Variants in DERA observed in about 807,000 individuals in gnomAD.
DERA encodes the protein 2-deoxy-D-ribose 5-phosphate aldolase.
Under a neutral mutation model 41.1 loss-of-function variants are expected in DERA, and 15 were observed. The ratio of observed to expected loss-of-function variants is 0.37; its 90% CI spans 0.24 to 0.56. DERA has a LOEUF of 0.56. DERA is among the 20% of genes least tolerant of loss of function. The probability of loss-of-function intolerance (pLI) is 0.81; values close to 1 mark genes in which losing one functional copy is unlikely to be tolerated. For synonymous variants in DERA, 139 were observed against 137.4 expected (o/e 1.01, Z -0.08); for missense variants, 396 against 403.4 (o/e 0.98, Z 0.16).
intron 1 of DERA, among the ~76,000 whole-genome samples, chr12:15,956,377 A>T (rs1044258164): frequency 3.9e-5 from 6 of 152,240 alleles, no homozygotes; most frequent in Admixed American, 2.0e-4. Context: ...AACTTCTGTT[A>T]TATCAGTCAA....
Position 15,967,103 on chromosome 12 carries a change from A to C in DERA, c.508+4156A>C, listed in dbSNP as rs1948628347. On this transcript the variant is annotated intron_variant, in intron 5 of 8. Transcript: ENST00000428559. The surrounding 1 kb of genome is among the most constrained non-coding windows in gnomAD (Gnocchi z 4.9). ...AGTGGCTTATGCCTGTAATCCCAGCACTCTGGGAGGCTGAGGCAGGCAGAT... is the reference window on the plus strand; with the variant it reads ...AGTGGCTTATGCCTGTAATCCCAGCCCTCTGGGAGGCTGAGGCAGGCAGAT... Among the ~76,000 whole-genome samples, 1 of 151,844 alleles carries C rather than the reference A, an allele frequency of 6.6e-6. No homozygotes were observed. Among genetic ancestry groups the C allele is most frequent in the South Asian group, 2.1e-4 (1 of 4,814 alleles).
chr12:15,979,709 C>T (rs1681385324), intron 5 of DERA, among the ~76,000 whole-genome samples: 1 of 152,202 alleles, frequency 6.6e-6, no homozygotes, highest in Non-Finnish European at 1.5e-5. Flanking sequence ...ACATTGGTTG[C>T]ATATTTGTAA....
At position 15,990,659 on chromosome 12, in the gene DERA, G is replaced by A. The variant is rs1948795758; in HGVS notation, c.637+8223G>A. ...GTTATTCTCCTTGATGTGTCTATGTGTTGTCATCATTTAGCTCCCACTTAT... is the reference window on the plus strand; with the variant it reads ...GTTATTCTCCTTGATGTGTCTATGTATTGTCATCATTTAGCTCCCACTTAT... On this transcript the variant is annotated intron_variant, in intron 6 of 8. Transcript: ENST00000428559. The surrounding 1 kb of genome is among the most constrained non-coding windows in gnomAD (Gnocchi z 4.3). Among the ~76,000 whole-genome samples the A allele has an allele frequency of 6.6e-6, 1 of 152,076 alleles. No homozygotes were observed. The highest frequency in any genetic ancestry group is 2.4e-5 in the African/African-American group (1 of 41,414).
In DERA at chr12:15,981,873, T is replaced by TC. The variant is rs397767503; in HGVS notation, c.509-433dup. On this transcript the variant is annotated intron_variant, in intron 5 of 8. Coordinates refer to ENST00000428559, the MANE Select transcript of DERA (RefSeq NM_015954.4). The surrounding 1 kb of genome is among the most constrained non-coding windows in gnomAD (Gnocchi z 6.1). ...ACTCTCAAGAAAGGTGTGCTTTATA[T>TC]CCAACCAAAGAACCTATTACTTGTG... is the stretch of plus-strand genomic sequence containing the variant. Among the ~76,000 whole-genome samples the TC allele has an allele frequency of 9.8e-3, 1 of 102 alleles. No individual in the cohort carries two copies. The highest frequency in any genetic ancestry group is 0.021 in the Non-Finnish European group (1 of 48). 0.1% of individuals were successfully genotyped at this position (102 alleles called of 152,430 possible).
chr12:15,929,587 G>C (rs1466891295), intron 1 of DERA, among the ~76,000 whole-genome samples: 1 of 152,130 alleles, frequency 6.6e-6, no homozygotes, highest in Non-Finnish European at 1.5e-5. Context: ...CTTCTTCTGT[G>C]TGTGTGTCTG....
At chr12:15,960,655 A>C (rs1948580256) in intron 4 of DERA, among the ~76,000 whole-genome samples, 1 of 151,160 alleles carries the variant, frequency 6.6e-6, no homozygotes, top group Non-Finnish European at 1.5e-5. Flanking sequence ...AAAAAAAAAA[A>C]AAAAAAAACA....
intron 6 of DERA, among the ~76,000 whole-genome samples, chr12:16,027,976 C>G (rs1949064006): frequency 6.6e-6 from 1 of 152,110 alleles, no homozygotes. Context: ...CAAAAGCATC[C>G]AGTATCCATG....
chr12:15,974,557 A>G (rs1299296755), intron 5 of DERA, among the ~76,000 whole-genome samples: 2 of 152,276 alleles, frequency 1.3e-5, no homozygotes, highest in East Asian at 3.9e-4. Flanking sequence ...CAAGATGTTA[A>G]TTTGTCCCAT....
rs1001031328 is a variant in DERA, at chr12:16,014,397, C to T, written c.638-18145C>T. Among the ~76,000 whole-genome samples, 5 of 152,144 alleles carry T rather than the reference C, an allele frequency of 3.3e-5. No individual in the cohort carries two copies. Among genetic ancestry groups the T allele is most frequent in the African/African-American group, 4.8e-5 (2 of 41,436 alleles). On this transcript the variant is annotated intron_variant, in intron 6 of 8. Transcript: ENST00000428559. The surrounding 1 kb of genome is among the most constrained non-coding windows in gnomAD (Gnocchi z 5.4). ...TCTCAGGACTTGGTGCCCTGCATCCCGGCCGTGGCTAAAAGAAGCCAATGT... is the reference window on the plus strand; with the variant it reads ...TCTCAGGACTTGGTGCCCTGCATCCTGGCCGTGGCTAAAAGAAGCCAATGT...
chr12:16,007,030 T>C (rs1157548953), intron 6 of DERA, among the ~76,000 whole-genome samples: 1 of 152,212 alleles, frequency 6.6e-6, no homozygotes, highest in Non-Finnish European at 1.5e-5. Flanking sequence ...ACCTCGCCGA[T>C]AGTAAGTGCT....
At position 15,931,866 on chromosome 12, in the gene DERA, G is replaced by T. The variant is rs577130059; in HGVS notation, c.31+20452G>T. On this transcript the variant is annotated intron_variant, in intron 1 of 8. Coordinates refer to ENST00000428559, the MANE Select transcript of DERA (RefSeq NM_015954.4). The surrounding 1 kb of genome is among the most constrained non-coding windows in gnomAD (Gnocchi z 4.6). ...TGGCTTCCTTGTTTTTTCTTCTGTTGCTTCGTCTCTTGAGGAAGATCTTGT... is the reference window on the plus strand; with the variant it reads ...TGGCTTCCTTGTTTTTTCTTCTGTTTCTTCGTCTCTTGAGGAAGATCTTGT... Among the ~76,000 whole-genome samples, 17 of 152,230 alleles carry T rather than the reference G, an allele frequency of 1.1e-4. No individual in the cohort carries two copies. Among genetic ancestry groups the T allele is most frequent in the African/African-American group, 4.1e-4 (17 of 41,540 alleles).
intron 6 of DERA, among the ~76,000 whole-genome samples, chr12:16,015,704 G>C (rs1470404916): frequency 2.0e-5 from 3 of 152,200 alleles, no homozygotes; most frequent in Non-Finnish European, 4.4e-5. Flanking sequence ...TTGTTGATTA[G>C]AGAGGAGGCC....
chr12:16,029,412 G>A (rs1477756122), intron 6 of DERA, among the ~76,000 whole-genome samples: 1 of 149,546 alleles, frequency 6.7e-6, no homozygotes, highest in Non-Finnish European at 1.5e-5. Context: ...GGGTGACAGA[G>A]CGAGACTCCG....
intron 1 of DERA, among the ~76,000 whole-genome samples, chr12:15,925,893 T>TTA (rs1948278988): frequency 7.1e-6 from 1 of 141,352 alleles, no homozygotes; most frequent in African/African-American, 2.7e-5. Flanking sequence ...AATGGCACGA[T>TTA]CTCGGCTCAC....
intron 1 of DERA, among the ~76,000 whole-genome samples, chr12:15,933,796 T>C (rs2047326682): frequency 6.6e-6 from 1 of 152,180 alleles, no homozygotes; most frequent in Non-Finnish European, 1.5e-5. Context: ...TCTGTCGGCT[T>C]GTTGAAACCT....
chr12:15,984,686 C>T lies in DERA; in HGVS notation c.637+2250C>T, dbSNP rs1411772451. On this transcript the variant is annotated intron_variant, in intron 6 of 8. Transcript: ENST00000428559. This position sits in a 1 kb window ranked among gnomAD's most constrained non-coding sequence, Gnocchi z 4.5. ...TTTCACTTGTAACATGGCTATTTCC[C>T]AAGGCACACACTAGATTTTATCATG... Among the ~76,000 whole-genome samples, 1 of 151,984 alleles carries T rather than the reference C, an allele frequency of 6.6e-6. No individual in the cohort carries two copies. The highest frequency in any genetic ancestry group is 6.6e-5 in the Admixed American group (1 of 15,252).
At position 15,966,394 on chromosome 12, in the gene DERA, G is replaced by A. The variant is rs375181344; in HGVS notation, c.508+3447G>A. ...TGAGCGAATTGCTTGAACCTGGGAG[G>A]CAGAGGTTGCAGGGAGCCAAGATTG... On this transcript the variant is annotated intron_variant, in intron 5 of 8. Coordinates refer to ENST00000428559, the MANE Select transcript of DERA (RefSeq NM_015954.4). This position sits in a 1 kb window ranked among gnomAD's most constrained non-coding sequence, Gnocchi z 5.1. Among the ~76,000 whole-genome samples the A allele has an allele frequency of 1.3e-5, 2 of 151,934 alleles. No homozygotes were observed. Among genetic ancestry groups the A allele is most frequent in the Non-Finnish European group, 2.9e-5 (2 of 67,978 alleles).
At chr12:15,920,803 C>T (rs566032860) in intron 1 of DERA, among the ~76,000 whole-genome samples, 1 of 152,342 alleles carries the variant, frequency 6.6e-6, no homozygotes, top group African/African-American at 2.4e-5. Flanking sequence ...CCACTACACT[C>T]CATCCTGGTG....
In DERA at chr12:15,913,969, A is replaced by G. The variant is rs956903275; in HGVS notation, c.31+2555A>G. Among the ~76,000 whole-genome samples, 2 of 152,200 alleles carry G rather than the reference A, an allele frequency of 1.3e-5. No individual in the cohort carries two copies. Among genetic ancestry groups the G allele is most frequent in the Non-Finnish European group, 2.9e-5 (2 of 68,040 alleles). On this transcript the variant is annotated intron_variant, in intron 1 of 8. Transcript: ENST00000428559. The surrounding 1 kb of genome is among the most constrained non-coding windows in gnomAD (Gnocchi z 4.5). ...AAATGTACAGATATTCTTCTATTTT[A>G]TTAGATGCCACTTAACTATTGCCTA...
Sources: allele counts gnomAD v4.1 joint callset (sites outside exome capture counted in the v4.1 genomes callset), GRCh38; gene constraint gnomAD v4.1.1; non-coding constraint Gnocchi (gnomAD v3.1); transcripts MANE v1.5; gene names NCBI Gene and HGNC (gene_info 2026-07-23, HGNC 2026-07-21).